EIF4E: variants seen among roughly 807,000 people sequenced by gnomAD.
EIF4E encodes eIF-4F 25 kDa subunit.
For synonymous variants in EIF4E, 71 were observed against 88.5 expected, an observed-to-expected ratio of 0.80 and a Z score of 1.11; for missense variants, 113 against 265.6, an observed-to-expected ratio of 0.43 and a Z score of 3.99.
At chr4:98,886,477 G>T (rs1420311003) in intron 5 of EIF4E, 1 of 444,830 alleles carries the variant, frequency 2.2e-6, no homozygotes, top group South Asian at 1.6e-5. Context: ...ACTTTGGGAG[G>T]CTGAAGTGGG....
At chr4:98,883,393 ATTTTTT>A (rs11408890) in intron 6 of EIF4E, among the ~76,000 whole-genome samples, 7,583 of 103,968 alleles carry the variant, frequency 0.073, 245 homozygotes, top group African/African-American at 0.2. Context: ...TGTAAGTCAA[ATTTTTT>A]TTTTTTTTTT....
intron 2 of EIF4E, among the ~76,000 whole-genome samples, chr4:98,892,924 CTACATAA>C (rs1263679135): frequency 6.6e-6 from 1 of 151,938 alleles, no homozygotes; most frequent in Non-Finnish European, 1.5e-5. Context: ...AGTTTTATTC[CTACATAA>C]TACATAATAG....
chr4:98,895,862 A>T (rs1724357573), intron 2 of EIF4E, among the ~76,000 whole-genome samples: 1 of 151,428 alleles, frequency 6.6e-6, no homozygotes, highest in Non-Finnish European at 1.5e-5. Context: ...ACTAGCCTGG[A>T]CAACAAAGTG....
chr4:98,903,942 T>A (rs1036286294), intron 1 of EIF4E, among the ~76,000 whole-genome samples: 24 of 152,154 alleles, frequency 1.6e-4, no homozygotes, highest in African/African-American at 4.1e-4. Context: ...AGGCAGACAG[T>A]GGGAGTCTCG....
chr4:98,886,727 G>A (rs72893533), intron 5 of EIF4E: 11,872 of 341,638 alleles, frequency 0.035, 1,254 homozygotes, highest in African/African-American at 0.23. Context: ...AAAAATATAA[G>A]TATTTAAAAG....
At chr4:98,890,919 T>C (rs1724118566) in intron 3 of EIF4E, 1 of 375,752 alleles carries the variant, frequency 2.7e-6, no homozygotes. Context: ...TACCCAGTTA[T>C]GAGGCAAATG....
chr4:98,922,850 CT>C (rs112293850), intron 1 of EIF4E, among the ~76,000 whole-genome samples: 11,127 of 136,528 alleles, frequency 0.081, 853 homozygotes, highest in East Asian at 0.47. Context: ...TTTCTTTTTT[CT>C]TTTTTTTTTT....
chr4:98,887,776 A>G lies in EIF4E; in HGVS notation c.285+113T>C. 1.1e-6 allele frequency: 1 copy of G among 892,072 alleles called. No individual in the cohort carries two copies. Among genetic ancestry groups the G allele is most frequent in the Non-Finnish European group, 1.8e-6 (1 of 557,266 alleles). 55.3% of individuals were successfully genotyped at this position (892,072 alleles called of 1,614,324 possible). A position where few individuals can be genotyped will look rare whatever the true frequency, so the allele number is the denominator to read the frequency against. On this transcript the variant is annotated intron_variant, in intron 4 of 6. Coordinates refer to ENST00000450253, the MANE Select transcript of EIF4E (RefSeq NM_001968.5). The surrounding 1 kb of genome is among the most constrained non-coding windows in gnomAD (Gnocchi z 4.0). ...AAAGCATACTACAGCCAATTAAATT[A>G]TCAGCCTATTCATCACACTATCAAA...
intron 2 of EIF4E, chr4:98,891,582 T>C (rs189171961): frequency 8.3e-4 from 406 of 487,656 alleles, no homozygotes; most frequent in African/African-American, 7.1e-3. Flanking sequence ...ACAAATACTG[T>C]ATGATTCCAC....
rs1339140421 is a variant in EIF4E, at chr4:98,879,337, A to AT, written c.*1690dup. ...TGTCAAGTTTATCAGTTTTAAAATG[A>AT]TTAAGTCATAATCACCATTCAAAGA... On this transcript the variant is annotated 3_prime_UTR_variant, in exon 7 of 7. Transcript: ENST00000450253. 6.6e-6 allele frequency: 1 copy of AT among 152,152 alleles called. No homozygotes were observed. Among genetic ancestry groups the AT allele is most frequent in the African/African-American group, 2.4e-5 (1 of 41,448 alleles). 9.4% of individuals were successfully genotyped at this position (152,152 alleles called of 1,614,324 possible). A position where few individuals can be genotyped will look rare whatever the true frequency, so the allele number is the denominator to read the frequency against.
chr4:98,918,743 T>C (rs1475419405), intron 1 of EIF4E, among the ~76,000 whole-genome samples: 1 of 152,156 alleles, frequency 6.6e-6, no homozygotes, highest in Admixed American at 6.6e-5. Flanking sequence ...GAAAACTTTA[T>C]GTGTTGATAT....
chr4:98,881,246 T>G, intron 6 of EIF4E, 104 bp from the exon 7 acceptor site: 1 of 1,484,244 alleles, frequency 6.7e-7, no homozygotes, highest in Admixed American at 2.5e-5. Context: ...TTAAAAAACA[T>G]AGACTTGAGA....
chr4:98,888,319 T>C (rs1431117938), intron 3 of EIF4E, among the ~76,000 whole-genome samples: 2 of 150,806 alleles, frequency 1.3e-5, no homozygotes, highest in Non-Finnish European at 2.9e-5. Context: ...TTCACAAACA[T>C]AAAAAAACAA....
intron 1 of EIF4E, 38 bp downstream of exon 1, chr4:98,929,057 G>C (rs779727330): frequency 4.4e-6 from 7 of 1,575,748 alleles, no homozygotes. Flanking sequence ...GACGGAGCGC[G>C]GGGACCCGTG....
intron 2 of EIF4E, among the ~76,000 whole-genome samples, chr4:98,900,108 A>G (rs532697267): frequency 1.3e-5 from 2 of 152,138 alleles, no homozygotes; most frequent in East Asian, 3.9e-4. Context: ...TGACACCAAG[A>G]ACTAGGTTCA....
chr4:98,927,654 CAAAAAAAAAA>C (rs774720176), intron 1 of EIF4E, among the ~76,000 whole-genome samples: 30 of 35,044 alleles, frequency 8.6e-4, no homozygotes, highest in South Asian at 1.6e-3. Context: ...GACTCCATCT[CAAAAAAAAAA>C]AAAAAAAAAA....
chr4:98,915,321 G>A (rs924540096), intron 1 of EIF4E, among the ~76,000 whole-genome samples: 1 of 151,382 alleles, frequency 6.6e-6, no homozygotes, highest in South Asian at 2.1e-4. Context: ...AAAAAAAAAA[G>A]AGAAGTTCAC....
intron 1 of EIF4E, 133 bp downstream of exon 1, chr4:98,928,962 A>T: frequency 1.3e-6 from 2 of 1,578,354 alleles, no homozygotes; most frequent in Non-Finnish European, 1.7e-6. Flanking sequence ...GCGGGAGGTC[A>T]GGTCCAACAT....
chr4:98,901,030 T>C (rs72905036), intron 2 of EIF4E, among the ~76,000 whole-genome samples: 10,284 of 152,258 alleles, frequency 0.068, 1,137 homozygotes, highest in African/African-American at 0.23. Flanking sequence ...AACTACTCTA[T>C]GGAACCTTAC....
Sources: allele counts gnomAD v4.1 joint callset (sites outside exome capture counted in the v4.1 genomes callset), GRCh38; gene constraint gnomAD v4.1.1; non-coding constraint Gnocchi (gnomAD v3.1); transcripts MANE v1.5; gene names NCBI Gene and HGNC (gene_info 2026-07-23, HGNC 2026-07-21).